MAN2A1: variants seen among roughly 807,000 people sequenced by gnomAD.
The protein encoded by MAN2A1 is mannosidase alpha class 2A member 1.
MAN2A1 carries 76 observed loss-of-function variants against 142.6 expected under a neutral mutation model. The observed-to-expected ratio is 0.53, with a 90% CI of 0.44 to 0.65. The LOEUF is 0.65. Among genes scored for constraint, MAN2A1 ranks in the 30% least tolerant of loss-of-function variants. MAN2A1 has a pLI of 0.00. For synonymous variants in MAN2A1, 559 were observed against 473.2 expected, an observed-to-expected ratio of 1.18 and a Z score of -2.35; for missense variants, 1,311 against 1,365.1, an observed-to-expected ratio of 0.96 and a Z score of 0.62.
intron 1 of MAN2A1, among the ~76,000 whole-genome samples, chr5:109,701,661 T>C (rs1431782840): frequency 1.3e-5 from 2 of 152,166 alleles, no homozygotes; most frequent in African/African-American, 4.8e-5. Flanking sequence ...TTTGAGGTAA[T>C]ATAGACATAA....
chr5:109,712,913 C>T (rs755867646), intron 1 of MAN2A1, among the ~76,000 whole-genome samples: 3 of 152,138 alleles, frequency 2.0e-5, no homozygotes, highest in Non-Finnish European at 2.9e-5. Flanking sequence ...TGGCAACCCT[C>T]TTAATGTGAG....
intron 17 of MAN2A1, among the ~76,000 whole-genome samples, chr5:109,842,805 G>GTTTTTTTTTTTT (rs1561539636): frequency 9.8e-6 from 1 of 102,318 alleles, no homozygotes; most frequent in Non-Finnish European, 2.0e-5. Context: ...ATACTTATTG[G>GTTTTTTTTTTTT]GTTTTTTTTT....
intron 17 of MAN2A1, 36 bp downstream of exon 17, chr5:109,842,497 T>C (rs1318603879): frequency 1.4e-6 from 2 of 1,403,458 alleles, no homozygotes; most frequent in Non-Finnish European, 2.0e-6. Context: ...GTAATGGTTG[T>C]ATTGGTGTGT....
In MAN2A1 at chr5:109,690,043, C is replaced by A; in HGVS notation, c.-375C>A. 4.5e-6 allele frequency: 1 copy of A among 221,190 alleles called. No individual in the cohort carries two copies. The highest frequency in any genetic ancestry group is 6.4e-5 in the South Asian group (1 of 15,674). The allele number at this position is 221,190 out of a possible 1,614,324, so 13.7% of individuals were successfully genotyped here. A position where few individuals can be genotyped will look rare whatever the true frequency, so the allele number is the denominator to read the frequency against. The stretch of plus-strand genomic sequence containing the variant: ...CCCTCGTCGAGAAAACTTTTCCTGC[C>A]GACTCAGTTGGGGCGGCGGTGGCAG... On this transcript the variant is annotated 5_prime_UTR_variant, in exon 1 of 22. Coordinates refer to ENST00000261483, the MANE Select transcript of MAN2A1 (RefSeq NM_002372.4).
intron 15 of MAN2A1, among the ~76,000 whole-genome samples, chr5:109,822,855 T>G (rs1051431589): frequency 6.6e-6 from 1 of 152,084 alleles, no homozygotes; most frequent in Non-Finnish European, 1.5e-5. Flanking sequence ...TTTTTTGTCT[T>G]TTTAGTAGAG....
At chr5:109,765,197 C>T (rs115661136) in intron 5 of MAN2A1, among the ~76,000 whole-genome samples, 1,560 of 152,200 alleles carry the variant, frequency 0.01, 13 homozygotes, top group Non-Finnish European at 0.016. Flanking sequence ...AATCCATGGT[C>T]GTACATTGCA....
chr5:109,844,846 A>G (rs1345534160), intron 17 of MAN2A1, among the ~76,000 whole-genome samples: 1 of 152,206 alleles, frequency 6.6e-6, no homozygotes, highest in East Asian at 1.9e-4. Context: ...GTTAGGTCCC[A>G]ACATAATCCA....
intron 12 of MAN2A1, among the ~76,000 whole-genome samples, chr5:109,805,163 GCAA>G (rs1754132807): frequency 6.6e-6 from 1 of 152,130 alleles, no homozygotes; most frequent in Non-Finnish European, 1.5e-5. Context: ...CTCAGAGAAA[GCAA>G]CTTAATTGGT....
intron 12 of MAN2A1, among the ~76,000 whole-genome samples, chr5:109,798,020 GAT>G (rs1371254283): frequency 2.0e-5 from 3 of 152,104 alleles, no homozygotes; most frequent in Non-Finnish European, 2.9e-5. Context: ...TCAGCTGACT[GAT>G]AGATGAATTA....
At chr5:109,776,564 C>T (rs533154613) in intron 8 of MAN2A1, among the ~76,000 whole-genome samples, 1 of 152,152 alleles carries the variant, frequency 6.6e-6, no homozygotes, top group East Asian at 1.9e-4. Flanking sequence ...TAGTATTCTA[C>T]CTATTTCATC....
At chr5:109,746,859 A>G (rs1013609602) in intron 4 of MAN2A1, among the ~76,000 whole-genome samples, 1 of 152,178 alleles carries the variant, frequency 6.6e-6, no homozygotes. Context: ...GTAGAATCAT[A>G]TAATTTTTGT....
At chr5:109,863,775 G>T (rs1293231324) in intron 20 of MAN2A1, 1 of 152,034 alleles carries the variant, frequency 6.6e-6, no homozygotes, top group Non-Finnish European at 1.5e-5. Context: ...ACATGGGCAG[G>T]GTGTTTTAAA....
chr5:109,865,439 C>T, intron 21 of MAN2A1: 2 of 354,360 alleles, frequency 5.6e-6, no homozygotes, highest in East Asian at 1.3e-4. Context: ...CTCCCAGTCC[C>T]CCAGTTTTCT....
At chr5:109,756,098 G>A (rs545572389) in intron 5 of MAN2A1, among the ~76,000 whole-genome samples, 3 of 152,136 alleles carry the variant, frequency 2.0e-5, no homozygotes, top group Admixed American at 6.6e-5. Flanking sequence ...CTAAGGTCTA[G>A]TCATTTTGGT....
chr5:109,713,593 C>T lies in MAN2A1; in HGVS notation c.209C>T (p.Ser70Leu), dbSNP rs1269833043. 1 of 1,614,056 alleles carries T rather than the reference C, an allele frequency of 6.2e-7. No individual in the cohort carries two copies. The highest frequency in any genetic ancestry group is 1.7e-5 in the Admixed American group (1 of 60,024). Residue 70 changes from serine to leucine, a missense_variant, in exon 2 of 22, where the codon TCA (serine) becomes TTA (leucine). Ser to Leu is a moderately radical substitution (Grantham distance 145, BLOSUM62 -2). Coordinates refer to ENST00000261483, the MANE Select transcript of MAN2A1 (RefSeq NM_002372.4). ...RLLAENNEII[S>L]NIRDSVINLS... ...CTAGCTGAGAATAATGAGATCATCT[C>T]AAATATTAGAGACTCAGTCATCAAT...
At position 109,757,539 on chromosome 5, in the gene MAN2A1, C is replaced by T. The variant is rs1388689439; in HGVS notation, c.835+2083C>T. Among the ~76,000 whole-genome samples, 6 of 152,104 alleles carry T rather than the reference C, an allele frequency of 3.9e-5. No individual in the cohort carries two copies. The South Asian group carries it at 1.0e-3, about 26-fold the overall frequency. On this transcript the variant is annotated intron_variant, in intron 5 of 21. Transcript: ENST00000261483. ...GAACTCACATAATATTATTTTGGGT[C>T]TTGTGTCTTTTGCCCAGTGTAATTT... is the stretch of plus-strand genomic sequence containing the variant.
intron 4 of MAN2A1, among the ~76,000 whole-genome samples, chr5:109,730,317 G>A (rs928600609): frequency 1.2e-4 from 18 of 151,914 alleles, no homozygotes; most frequent in African/African-American, 3.4e-4. Flanking sequence ...TTACTGATTT[G>A]TAGGAGTATT....
intron 20 of MAN2A1, among the ~76,000 whole-genome samples, chr5:109,858,314 A>G (rs1487082600): frequency 1.3e-5 from 2 of 152,218 alleles, no homozygotes; most frequent in Admixed American, 6.5e-5. Flanking sequence ...GTCCATTCAA[A>G]ACCACTTCTT....
intron 12 of MAN2A1, among the ~76,000 whole-genome samples, chr5:109,806,740 A>G (rs113714328): frequency 0.019 from 2,824 of 152,328 alleles, 34 homozygotes; most frequent in Middle Eastern, 0.071. Flanking sequence ...GCCAACAGCA[A>G]TTTTAGGTAC....
Sources: allele counts gnomAD v4.1 joint callset (sites outside exome capture counted in the v4.1 genomes callset), GRCh38; gene constraint gnomAD v4.1.1; transcripts MANE v1.5; gene names NCBI Gene and HGNC (gene_info 2026-07-23, HGNC 2026-07-21).